The following YEATS2 variants were observed in gnomAD, a reference collection of about 807,000 sequenced individuals.
The protein encoded by YEATS2 is YEATS domain-containing protein 2.
In YEATS2, 77 loss-of-function variants were observed where a neutral mutation model predicts 163.2. That is an observed-to-expected ratio of 0.47 (90% CI 0.39 to 0.57). The LOEUF is 0.57. Among genes scored for constraint, YEATS2 ranks in the 20% least tolerant of loss-of-function variants. The pLI, the probability that YEATS2 is intolerant of heterozygous loss-of-function variation, is 0.00. For synonymous variants in YEATS2, 631 were observed against 645.1 expected, an observed-to-expected ratio of 0.98 and a Z score of 0.33; for missense variants, 1,549 against 1,729.8, an observed-to-expected ratio of 0.90 and a Z score of 1.85.
intron 4 of YEATS2, among the ~76,000 whole-genome samples, chr3:183,721,271 CT>C (rs1346436362): frequency 6.6e-6 from 1 of 152,122 alleles, no homozygotes; most frequent in Admixed American, 6.5e-5. Context: ...CCTTTTTTCT[CT>C]CTAGAACCAT....
chr3:183,786,742 A>G (rs1257661359), intron 20 of YEATS2, among the ~76,000 whole-genome samples: 2 of 152,186 alleles, frequency 1.3e-5, no homozygotes, highest in Admixed American at 6.5e-5. Context: ...ACTTGCATCA[A>G]TACTCCTTTT....
At chr3:183,805,975 A>G (rs1047698868) in intron 27 of YEATS2, among the ~76,000 whole-genome samples, 1 of 151,968 alleles carries the variant, frequency 6.6e-6, no homozygotes, top group Non-Finnish European at 1.5e-5. Context: ...CTTCACTGAC[A>G]TTGTGTGGAA....
chr3:183,760,313 AT>A (rs11417378), intron 13 of YEATS2, among the ~76,000 whole-genome samples: 3,477 of 110,224 alleles, frequency 0.032, 193 homozygotes, highest in African/African-American at 0.098. Flanking sequence ...AAACTACAGA[AT>A]TTTTTTTTTT....
intron 24 of YEATS2, 196 bp from the exon 25 acceptor site, chr3:183,801,259 A>G (rs1034705916): frequency 1.6e-5 from 7 of 442,264 alleles, no homozygotes; most frequent in East Asian, 1.1e-4. Context: ...TAGTCTTGAC[A>G]TTTTCTTTTT....
At chr3:183,784,310 T>C (rs1173495555) in intron 19 of YEATS2, among the ~76,000 whole-genome samples, 1 of 152,232 alleles carries the variant, frequency 6.6e-6, no homozygotes, top group Non-Finnish European at 1.5e-5. Flanking sequence ...GAGATGATAT[T>C]GTGGTTTTGA....
chr3:183,715,444 A>C (rs1373514733), intron 2 of YEATS2, among the ~76,000 whole-genome samples, 182 bp downstream of exon 2: 1 of 152,208 alleles, frequency 6.6e-6, no homozygotes, highest in African/African-American at 2.4e-5. Flanking sequence ...AAGTGGAAGA[A>C]GATCTGGCAG....
intron 23 of YEATS2, among the ~76,000 whole-genome samples, chr3:183,800,098 C>T (rs1725528381): frequency 6.6e-6 from 1 of 152,168 alleles, no homozygotes; most frequent in Admixed American, 6.5e-5. Context: ...TCCCAAAGTG[C>T]TGGGATTACA....
chr3:183,734,825 A>T (rs16858045), intron 7 of YEATS2, among the ~76,000 whole-genome samples: 4,221 of 152,102 alleles, frequency 0.028, 188 homozygotes, highest in African/African-American at 0.095. Flanking sequence ...TTTTTGTTTA[A>T]TCCCCATAGT....
chr3:183,727,185 AAACAT>A lies in YEATS2; in HGVS notation c.651-1498_651-1494del, dbSNP rs552079496. ...TGATATACGTATGAAAGGAAAAAATAAACATAACATACACAAACCTGGCGAAATTA... is the reference window on the plus strand; with the variant it reads ...TGATATACGTATGAAAGGAAAAAATAAACATACACAAACCTGGCGAAATTA... On this transcript the variant is annotated intron_variant, in intron 6 of 30. Transcript: ENST00000305135. Among the ~76,000 whole-genome samples the A allele has an allele frequency of 1.5e-4, 23 of 152,352 alleles. No individual in the cohort carries two copies. In the South Asian group the frequency reaches 4.6e-3, roughly 30 times the overall value.
chr3:183,717,608 C>A, intron 2 of YEATS2, 43 bp from the exon 3 acceptor site: 1 of 1,380,672 alleles, frequency 7.2e-7, no homozygotes, highest in Non-Finnish European at 9.9e-7. Context: ...AAGACAGTCA[C>A]TGATTAATTA....
intron 17 of YEATS2, among the ~76,000 whole-genome samples, chr3:183,774,050 G>A (rs1722737044): frequency 6.6e-6 from 1 of 152,186 alleles, no homozygotes; most frequent in African/African-American, 2.4e-5. Flanking sequence ...GGAGAAAGCT[G>A]TCTACATGAA....
chr3:183,808,130 C>G, intron 29 of YEATS2, 26 bp downstream of exon 29: 2 of 1,546,204 alleles, frequency 1.3e-6, no homozygotes. Context: ...GGCCGCCAGC[C>G]AGGAAGGATG....
At chr3:183,698,389 C>T (rs192896636) in intron 1 of YEATS2, among the ~76,000 whole-genome samples, 7 of 152,264 alleles carry the variant, frequency 4.6e-5, no homozygotes, top group Non-Finnish European at 1.0e-4. Context: ...CAACCTGTCG[C>T]CATCCCCACC....
At chr3:183,712,224 T>TTTATTTTATTTTATTTTA (rs1560220772) in intron 1 of YEATS2, among the ~76,000 whole-genome samples, 3 of 133,288 alleles carry the variant, frequency 2.3e-5, no homozygotes, top group East Asian at 2.0e-4. Context: ...TTTATTTTAT[T>TTTATTTTATTTTATTTTA]TTTTGAGACA....
chr3:183,712,076 C>T (rs1715283972), intron 1 of YEATS2, among the ~76,000 whole-genome samples: 1 of 151,564 alleles, frequency 6.6e-6, no homozygotes, highest in African/African-American at 2.4e-5. Flanking sequence ...CCTTGCCCTC[C>T]CAAAGTGCTG....
intron 8 of YEATS2, among the ~76,000 whole-genome samples, chr3:183,741,369 ATC>A (rs544432032): frequency 7.7e-4 from 117 of 152,302 alleles, no homozygotes; most frequent in African/African-American, 2.6e-3. Flanking sequence ...GTGACAACAC[ATC>A]TGTTTATAGC....
intron 25 of YEATS2, chr3:183,802,024 T>A (rs1224618638): frequency 6.4e-6 from 1 of 155,976 alleles, no homozygotes; most frequent in African/African-American, 2.4e-5. Flanking sequence ...CAAACCTGGT[T>A]CTGTTTGACT....
chr3:183,713,771 C>T (rs1189200534), intron 1 of YEATS2, among the ~76,000 whole-genome samples: 3 of 152,222 alleles, frequency 2.0e-5, no homozygotes, highest in African/African-American at 7.2e-5. Flanking sequence ...CGTATCTACA[C>T]TGAACAATGT....
chr3:183,807,905 A>C (rs1219158748), intron 28 of YEATS2, 125 bp from the exon 29 acceptor site: 16 of 675,516 alleles, frequency 2.4e-5, no homozygotes, highest in Non-Finnish European at 1.3e-5. Context: ...AATTTTGCCC[A>C]ATATGTTTGC....
Sources: gnomAD v4.1 joint callset for allele counts (sites outside exome capture counted in the v4.1 genomes callset) on GRCh38, gnomAD v4.1.1 for gene constraint, MANE v1.5 for transcripts, NCBI Gene and HGNC (gene_info 2026-07-23, HGNC 2026-07-21) for gene names.